Variants in ADAMTS12 observed in about 807,000 individuals in gnomAD.
The protein encoded by ADAMTS12 is ADAM metallopeptidase with thrombospondin type 1 motif 12, also known as A disintegrin and metalloproteinase with thrombospondin motifs 12.
Under a neutral mutation model 167.8 loss-of-function variants are expected in ADAMTS12, and 118 were observed. The ratio of observed to expected loss-of-function variants is 0.70; its 90% CI spans 0.61 to 0.82. ADAMTS12 has a LOEUF of 0.82. Ranked by LOEUF, ADAMTS12 falls within the 40% of genes least tolerant of loss-of-function variation. The pLI is 0.00. For missense variants in ADAMTS12, 1,916 were observed against 1,998.8 expected, an observed-to-expected ratio of 0.96 and a Z score of 0.79; for synonymous variants, 704 against 716.9, an observed-to-expected ratio of 0.98 and a Z score of 0.29.
At chr5:33,533,468 A>T (rs1001054832) in intron 23 of ADAMTS12, among the ~76,000 whole-genome samples, 1 of 152,330 alleles carries the variant, frequency 6.6e-6, no homozygotes, top group South Asian at 2.1e-4. Flanking sequence ...CTAATTAGGT[A>T]GGTCTAGAGT....
intron 3 of ADAMTS12, among the ~76,000 whole-genome samples, chr5:33,717,206 C>T (rs78870297): frequency 0.019 from 2,858 of 151,934 alleles, 98 homozygotes; most frequent in African/African-American, 0.066. Context: ...GTCCTAGCAT[C>T]GTGACGGATT....
intron 22 of ADAMTS12, among the ~76,000 whole-genome samples, chr5:33,535,470 G>T (rs1244231324): frequency 3.9e-5 from 6 of 152,136 alleles, no homozygotes; most frequent in African/African-American, 1.4e-4. Context: ...GGTGTTGTTG[G>T]TGGCCACATT....
At chr5:33,806,574 A>G (rs1036382329) in intron 2 of ADAMTS12, among the ~76,000 whole-genome samples, 3 of 151,152 alleles carry the variant, frequency 2.0e-5, no homozygotes, top group Non-Finnish European at 4.4e-5. Flanking sequence ...TGATGCTGAC[A>G]CTCCCCTTCT....
At chr5:33,746,895 A>G (rs1744809202) in intron 3 of ADAMTS12, among the ~76,000 whole-genome samples, 1 of 152,220 alleles carries the variant, frequency 6.6e-6, no homozygotes. Context: ...TTTTTTGAGC[A>G]CAGCTGTTTC....
At chr5:33,566,382 TGAGCTCAG>T (rs1341054525) in intron 19 of ADAMTS12, among the ~76,000 whole-genome samples, 1 of 152,126 alleles carries the variant, frequency 6.6e-6, no homozygotes, top group African/African-American at 2.4e-5. Flanking sequence ...GAAGACTGCT[TGAGCTCAG>T]GAGTTCAGGA....
chr5:33,589,956 C>G (rs886848656), intron 17 of ADAMTS12, among the ~76,000 whole-genome samples: 1 of 152,122 alleles, frequency 6.6e-6, no homozygotes, highest in African/African-American at 2.4e-5. Context: ...TTCCTCAATT[C>G]AATCATATTC....
intron 18 of ADAMTS12, among the ~76,000 whole-genome samples, chr5:33,577,716 C>T (rs751603851): frequency 6.6e-6 from 1 of 151,764 alleles, no homozygotes; most frequent in Non-Finnish European, 1.5e-5. Flanking sequence ...AATCACCATA[C>T]TCACACAGGT....
At chr5:33,867,779 CT>C (rs1159947877) in intron 2 of ADAMTS12, among the ~76,000 whole-genome samples, 1 of 152,074 alleles carries the variant, frequency 6.6e-6, no homozygotes, top group Non-Finnish European at 1.5e-5. Context: ...TTTTTATCTG[CT>C]TGTTTTATCA....
chr5:33,836,895 C>T (rs879711876), intron 2 of ADAMTS12, among the ~76,000 whole-genome samples: 6 of 151,616 alleles, frequency 4.0e-5, no homozygotes, highest in Non-Finnish European at 8.8e-5. Flanking sequence ...ATCTGGCCTC[C>T]GGGAGAGTCT....
chr5:33,891,788 C>T lies in ADAMTS12; in HGVS notation c.69G>A (p.Ala23=), dbSNP rs762153279. Residue 23 remains alanine, a synonymous_variant, in exon 1 of 24, where the codon GCG becomes GCA. Transcript: ENST00000504830. ...GCTGAGGCTGTCTCCCATAGCAAAG[C>T]GCCCCAAAGTTAAGGAGCTGAGCCA... ...SVVAQLLNFG[A]LCYGRQPQPG... The T allele has an allele frequency of 2.5e-6, 4 of 1,614,202 alleles. No homozygotes were observed. Among genetic ancestry groups the T allele is most frequent in the African/African-American group, 1.3e-5 (1 of 75,042 alleles).
chr5:33,747,617 G>A (rs1579901318), intron 3 of ADAMTS12, among the ~76,000 whole-genome samples: 4 of 152,262 alleles, frequency 2.6e-5, no homozygotes, highest in Admixed American at 2.0e-4. Flanking sequence ...TCAACATAAT[G>A]TATAATAGTC....
Position 33,540,722 on chromosome 5 carries a change from C to T in ADAMTS12, c.4446+5337G>A, listed in dbSNP as rs565055884. On this transcript the variant is annotated intron_variant, in intron 22 of 23. Coordinates refer to ENST00000504830, the MANE Select transcript of ADAMTS12 (RefSeq NM_030955.4). The stretch of plus-strand genomic sequence containing the variant: ...GGAGTGGACCTCCAGCAAACTCCAA[C>T]AGCTCTGCAGCTGAGGGATCTGACT... Among the ~76,000 whole-genome samples, 5 of 152,368 alleles carry T rather than the reference C, an allele frequency of 3.3e-5. No individual in the cohort carries two copies. In the East Asian group the frequency reaches 9.6e-4, roughly 29 times the overall value.
At chr5:33,756,041 C>T (rs1009183070) in intron 2 of ADAMTS12, among the ~76,000 whole-genome samples, 1 of 152,210 alleles carries the variant, frequency 6.6e-6, no homozygotes, top group African/African-American at 2.4e-5. Context: ...ATAGGGTCAG[C>T]CCTGTGCTGA....
intron 20 of ADAMTS12, among the ~76,000 whole-genome samples, chr5:33,559,477 C>T (rs1745636289): frequency 6.6e-6 from 1 of 152,208 alleles, no homozygotes; most frequent in Non-Finnish European, 1.5e-5. Flanking sequence ...AGCACCAAGG[C>T]TAACTAATCT....
chr5:33,847,759 A>G (rs2548016), intron 2 of ADAMTS12, among the ~76,000 whole-genome samples: 11,080 of 152,290 alleles, frequency 0.073, 982 homozygotes, highest in East Asian at 0.2. Flanking sequence ...TTAGGCAAAG[A>G]GGGCCTTGGA....
chr5:33,845,789 C>T (rs754820137), intron 2 of ADAMTS12, among the ~76,000 whole-genome samples: 11 of 152,186 alleles, frequency 7.2e-5, no homozygotes, highest in East Asian at 3.9e-4. Flanking sequence ...TGGTCACTTC[C>T]GGCTATTTCT....
intron 1 of ADAMTS12, among the ~76,000 whole-genome samples, chr5:33,888,826 A>C (rs1750739889): frequency 6.6e-6 from 1 of 152,358 alleles, no homozygotes; most frequent in East Asian, 1.9e-4. Flanking sequence ...GAACCAAGAA[A>C]TCCTGTGTAA....
intron 2 of ADAMTS12, among the ~76,000 whole-genome samples, chr5:33,783,174 C>T (rs992111411): frequency 8.6e-5 from 13 of 151,322 alleles, no homozygotes; most frequent in African/African-American, 2.9e-4. Flanking sequence ...AAGAAAGAAA[C>T]CAAAAGAGCA....
At position 33,525,766 on chromosome 5, in the gene ADAMTS12, CCT is replaced by C. The variant is rs1444897078; in HGVS notation, c.*1420_*1421del. The C allele has an allele frequency of 6.6e-6, 1 of 152,192 alleles. No homozygotes were observed. Among genetic ancestry groups the C allele is most frequent in the African/African-American group, 2.4e-5 (1 of 41,444 alleles). 9.4% of individuals were successfully genotyped at this position (152,192 alleles called of 1,614,324 possible). On this transcript the variant is annotated 3_prime_UTR_variant, in exon 24 of 24. Transcript: ENST00000504830. ...TGAAGGCCACATCCTTGCCTTTCTC[CCT>C]GTCAAGAATTGGTTCTGATATCTTC...
Sources: gnomAD v4.1 joint callset for allele counts (sites outside exome capture counted in the v4.1 genomes callset) on GRCh38, gnomAD v4.1.1 for gene constraint, MANE v1.5 for transcripts, NCBI Gene and HGNC (gene_info 2026-07-23, HGNC 2026-07-21) for gene names.